RBFOX1: variants seen among roughly 807,000 people sequenced by gnomAD.
The protein encoded by RBFOX1 is RNA binding fox-1 homolog 1.
In RBFOX1, 8 loss-of-function variants were observed where a neutral mutation model predicts 57.7. That is an observed-to-expected ratio of 0.14 (90% CI 0.08 to 0.25). The LOEUF (loss-of-function observed/expected upper bound fraction) is 0.25, where lower values mean the gene tolerates loss of function less well. RBFOX1 is among the 10% of genes least tolerant of loss of function. The probability of loss-of-function intolerance (pLI) is 1.00; values close to 1 mark genes in which losing one functional copy is unlikely to be tolerated. For synonymous variants in RBFOX1, 326 were observed against 222.4 expected (o/e 1.47, Z -4.15); for missense variants, 611 against 548.5 (o/e 1.11, Z -1.14).
intron 1 of RBFOX1, among the ~76,000 whole-genome samples, chr16:5,255,720 G>A (rs1366474713): frequency 1.3e-5 from 2 of 151,512 alleles, no homozygotes; most frequent in East Asian, 3.9e-4. Context: ...ATCCATGTAC[G>A]TATCCATCCA....
At chr16:5,706,972 C>T (rs2051273369) in intron 3 of RBFOX1, among the ~76,000 whole-genome samples, 1 of 152,098 alleles carries the variant, frequency 6.6e-6, no homozygotes, top group African/African-American at 2.4e-5. Context: ...GGAGAAGAAG[C>T]CAAGCGTCCT....
chr16:6,734,763 A>T (rs573498171), intron 3 of RBFOX1, among the ~76,000 whole-genome samples: 1 of 152,288 alleles, frequency 6.6e-6, no homozygotes, highest in African/African-American at 2.4e-5. Flanking sequence ...CTATCCAATC[A>T]GGACAATATA....
chr16:6,493,405 G>A (rs188270506), intron 2 of RBFOX1, among the ~76,000 whole-genome samples: 6 of 152,174 alleles, frequency 3.9e-5, no homozygotes, highest in Middle Eastern at 3.4e-3. Flanking sequence ...ATTCATCGCC[G>A]GTACTGCAAA....
intron 4 of RBFOX1, among the ~76,000 whole-genome samples, chr16:7,120,860 T>TACACACACACACACACACAC (rs1567337325): frequency 8.0e-6 from 1 of 124,522 alleles, no homozygotes; most frequent in South Asian, 2.5e-4. Context: ...CACACACACA[T>TACACACACACACACACACAC]ACGTAAACAT....
intron 5 of RBFOX1, among the ~76,000 whole-genome samples, chr16:7,536,091 T>A (rs2081401563): frequency 6.6e-6 from 1 of 152,132 alleles, no homozygotes; most frequent in Non-Finnish European, 1.5e-5. Flanking sequence ...AGGTTCGACA[T>A]CCCATGGAAA....
intron 5 of RBFOX1, among the ~76,000 whole-genome samples, chr16:7,568,341 C>G (rs1334712861): frequency 1.3e-5 from 2 of 152,144 alleles, no homozygotes. Flanking sequence ...GTTCCTCCCT[C>G]TTTTAGACCA....
At chr16:7,525,794 T>G (rs1430689856) in intron 5 of RBFOX1, among the ~76,000 whole-genome samples, 1 of 152,200 alleles carries the variant, frequency 6.6e-6, no homozygotes, top group Non-Finnish European at 1.5e-5. Context: ...ATCAACCTTT[T>G]GAATGCTGTT....
intron 3 of RBFOX1, among the ~76,000 whole-genome samples, chr16:5,672,609 G>A (rs891920594): frequency 2.6e-5 from 4 of 152,108 alleles, no homozygotes; most frequent in South Asian, 2.1e-4. Flanking sequence ...GAGTTAAGTC[G>A]TATTTTCCAG....
Position 7,709,780 on chromosome 16 carries a change from G to A in RBFOX1, c.1071+649G>A, listed in dbSNP as rs552585871. On this transcript the variant is annotated intron_variant, in intron 15 of 15. Transcript: ENST00000550418. Reference sequence around the variant, plus strand: ...GTGGGGGGAGGGTAAAAAATGGGAGGTAAGGGTGGGGTGAACTTGCCTGTA... The same window carrying A: ...GTGGGGGGAGGGTAAAAAATGGGAGATAAGGGTGGGGTGAACTTGCCTGTA... 9 of 1,087,378 alleles carry A rather than the reference G, an allele frequency of 8.3e-6. No homozygotes were observed. The East Asian group carries it at 4.6e-4, about 55-fold the overall frequency. The allele number at this position is 1,087,378 out of a possible 1,614,324, so 67.4% of individuals were successfully genotyped here.
chr16:7,455,471 C>G (rs1478488286), intron 4 of RBFOX1, among the ~76,000 whole-genome samples: 1 of 152,080 alleles, frequency 6.6e-6, no homozygotes, highest in Non-Finnish European at 1.5e-5. Flanking sequence ...TAGATATGGA[C>G]ATTTTGTGGG....
chr16:5,524,401 G>T (rs1182769589), intron 2 of RBFOX1, among the ~76,000 whole-genome samples: 3 of 152,196 alleles, frequency 2.0e-5, no homozygotes, highest in African/African-American at 7.2e-5. Flanking sequence ...AGCCCAGTAA[G>T]TCACTTAAAA....
intron 4 of RBFOX1, among the ~76,000 whole-genome samples, chr16:7,225,019 A>T (rs540445022): frequency 1.3e-5 from 2 of 152,200 alleles, no homozygotes; most frequent in South Asian, 2.1e-4. Flanking sequence ...TTTTTGTGAC[A>T]TACTTCTCCT....
chr16:7,313,687 T>A (rs1219022797), intron 4 of RBFOX1, among the ~76,000 whole-genome samples: 1 of 133,576 alleles, frequency 7.5e-6, no homozygotes, highest in African/African-American at 2.8e-5. Flanking sequence ...CACTTTTACA[T>A]GGATTATCAC....
chr16:7,087,601 G>GGA (rs975820910), intron 4 of RBFOX1, among the ~76,000 whole-genome samples: 2 of 150,694 alleles, frequency 1.3e-5, no homozygotes, highest in Admixed American at 6.6e-5. Flanking sequence ...GGAGAGAGAG[G>GGA]GAGAGAGAGA....
At chr16:6,212,836 C>G (rs1264539527) in intron 1 of RBFOX1, among the ~76,000 whole-genome samples, 6 of 152,128 alleles carry the variant, frequency 3.9e-5, no homozygotes, top group South Asian at 4.2e-4. Flanking sequence ...CATATGTACC[C>G]TATTTGTAAC....
At chr16:6,554,920 G>A (rs1191026896) in intron 2 of RBFOX1, among the ~76,000 whole-genome samples, 1 of 152,108 alleles carries the variant, frequency 6.6e-6, no homozygotes, top group Non-Finnish European at 1.5e-5. Flanking sequence ...TGCTTTTTCT[G>A]CCAGCTGGAG....
At chr16:5,493,115 T>C (rs1209078236) in intron 2 of RBFOX1, among the ~76,000 whole-genome samples, 1 of 152,260 alleles carries the variant, frequency 6.6e-6, no homozygotes, top group Non-Finnish European at 1.5e-5. Flanking sequence ...AGAGACTGTA[T>C]AGCCCTTTAC....
chr16:7,284,306 G>A (rs1322374359), intron 4 of RBFOX1, among the ~76,000 whole-genome samples: 1 of 152,120 alleles, frequency 6.6e-6, no homozygotes, highest in African/African-American at 2.4e-5. Flanking sequence ...GGTGTTGCTG[G>A]ATTGAGAAGT....
At chr16:7,450,349 G>A (rs531403572) in intron 4 of RBFOX1, among the ~76,000 whole-genome samples, 36 of 135,740 alleles carry the variant, frequency 2.7e-4, no homozygotes, top group East Asian at 7.0e-4. Flanking sequence ...AGCCGCAATC[G>A]CGCCATTGCA....
Sources: gnomAD v4.1 joint callset for allele counts (sites outside exome capture counted in the v4.1 genomes callset) on GRCh38, gnomAD v4.1.1 for gene constraint, MANE v1.5 for transcripts, NCBI Gene and HGNC (gene_info 2026-07-23, HGNC 2026-07-21) for gene names.